TTC6: variants seen among roughly 807,000 people sequenced by gnomAD.
TTC6 encodes the protein tetratricopeptide repeat domain 6.
In TTC6, 172 loss-of-function variants were observed where a neutral mutation model predicts 210.4. The ratio of observed to expected loss-of-function variants is 0.82; its 90% CI spans 0.72 to 0.93. TTC6 has a LOEUF of 0.93. Among genes scored for constraint, TTC6 ranks in the 40% least tolerant of loss-of-function variants. TTC6 has a pLI of 0.00. For synonymous variants in TTC6, 804 were observed against 819.6 expected (o/e 0.98, Z 0.32); for missense variants, 2,414 against 2,318.1 (o/e 1.04, Z -0.85).
intron 29 of TTC6, among the ~76,000 whole-genome samples, chr14:37,834,227 C>T (rs1456179987): frequency 1.3e-5 from 2 of 152,074 alleles, no homozygotes; most frequent in Non-Finnish European, 2.9e-5. Context: ...ATATGTATAT[C>T]TCTTCCAATA....
At chr14:37,622,630 A>G in exon 1 of TTC6, 3 of 1,535,162 alleles carry the variant, frequency 2.0e-6, no homozygotes, top group Non-Finnish European at 2.6e-6. Flanking sequence ...GAACAGAGCC[A>G]GGAGGTAGCT....
At chr14:37,799,832 G>A (rs1005062014) in intron 20 of TTC6, among the ~76,000 whole-genome samples, 5 of 152,132 alleles carry the variant, frequency 3.3e-5, no homozygotes, top group Admixed American at 6.6e-5. Context: ...TTTCAGATGA[G>A]AATGTAGCAC....
intron 6 of TTC6, 85 bp from the exon 9 acceptor site, chr14:37,724,812 TA>T: frequency 2.7e-6 from 2 of 745,196 alleles, no homozygotes; most frequent in Non-Finnish European, 3.9e-6. Flanking sequence ...TCTCAGCAAC[TA>T]AAAATAATTT....
intron 1 of TTC6, among the ~76,000 whole-genome samples, chr14:37,679,921 C>T (rs964909237): frequency 6.6e-6 from 1 of 151,978 alleles, no homozygotes; most frequent in Non-Finnish European, 1.5e-5. Context: ...AATTCTTGAC[C>T]TCAGGTGATC....
chr14:37,678,416 G>T (rs2138529371), intron 1 of TTC6, among the ~76,000 whole-genome samples: 1 of 152,202 alleles, frequency 6.6e-6, no homozygotes, highest in Middle Eastern at 3.4e-3. Context: ...TCTTTGTCTA[G>T]CCTCATGGGT....
At chr14:37,635,981 C>CAAAAAAAAAAAAAAAAAAAGAAAAAAA (rs2095679652) in intron 1 of TTC6, among the ~76,000 whole-genome samples, 1 of 70,356 alleles carries the variant, frequency 1.4e-5, no homozygotes, top group Non-Finnish European at 2.5e-5. Context: ...ATTCCATTTC[C>CAAAAAAAAAAAAAAAAAAAGAAAAAAA]AAAAAAAAAA....
At chr14:37,625,372 A>AC (rs1189751044) in intron 1 of TTC6, among the ~76,000 whole-genome samples, 1 of 151,544 alleles carries the variant, frequency 6.6e-6, no homozygotes, top group Admixed American at 6.6e-5. Context: ...ACATGGTGAA[A>AC]CCCCATCTCT....
intron 19 of TTC6, 71 bp downstream of exon 21, chr14:37,796,441 G>A: frequency 1.5e-6 from 1 of 653,808 alleles, no homozygotes; most frequent in South Asian, 2.3e-5. Flanking sequence ...CAATAGTTAT[G>A]TATAAATAGC....
exon 14 of TTC6, chr14:37,753,181 C>T: frequency 6.5e-7 from 1 of 1,535,096 alleles, no homozygotes; most frequent in Non-Finnish European, 8.7e-7. Flanking sequence ...TGGTTTGCAG[C>T]CATAGAGGAT....
chr14:37,816,052 CAAAAA>C (rs71127247), intron 25 of TTC6, among the ~76,000 whole-genome samples: 1 of 142,164 alleles, frequency 7.0e-6, no homozygotes, highest in Admixed American at 7.0e-5. Context: ...TTAATTTTAG[CAAAAA>C]AAAAAAAAAA....
intron 14 of TTC6, among the ~76,000 whole-genome samples, chr14:37,769,355 T>C (rs555471273): frequency 6.6e-6 from 1 of 151,782 alleles, no homozygotes; most frequent in Non-Finnish European, 1.5e-5. Flanking sequence ...TTCTATTGAT[T>C]GGAATAGTTT....
At chr14:37,698,086 A>G (rs960026949) in intron 4 of TTC6, among the ~76,000 whole-genome samples, 2 of 152,176 alleles carry the variant, frequency 1.3e-5, no homozygotes, top group Non-Finnish European at 2.9e-5. Context: ...AGAAATTTTC[A>G]TTAGTGAGAA....
intron 25 of TTC6, among the ~76,000 whole-genome samples, chr14:37,812,915 T>C (rs1222189064): frequency 6.6e-6 from 1 of 152,148 alleles, no homozygotes; most frequent in Non-Finnish European, 1.5e-5. Flanking sequence ...GAAAAAAGTA[T>C]AGGCAAGGTT....
chr14:37,770,014 G>A (rs531279025), intron 14 of TTC6, among the ~76,000 whole-genome samples: 7 of 152,150 alleles, frequency 4.6e-5, no homozygotes, highest in African/African-American at 7.2e-5. Context: ...CTTTGTTCCC[G>A]TTGGTTTCAA....
chr14:37,807,301 T>C lies in TTC6; in HGVS notation c.4315-19T>C. 1 of 1,480,348 alleles carries C rather than the reference T, an allele frequency of 6.8e-7. No individual in the cohort carries two copies. The highest frequency in any genetic ancestry group is 9.0e-7 in the Non-Finnish European group (1 of 1,107,990). 91.7% of individuals were successfully genotyped at this position (1,480,348 alleles called of 1,614,324 possible). ...TACTAAAGCATCCATTCCTGCTTTC[T>C]CTCTCTCTCTCTGAATAGGCATATT... On this transcript the variant is annotated intron_variant, in intron 22 of 30. Coordinates refer to ENST00000553443, the Ensembl canonical transcript of TTC6.
At chr14:37,768,953 CTTA>C (rs2096008210) in intron 14 of TTC6, among the ~76,000 whole-genome samples, 1 of 151,576 alleles carries the variant, frequency 6.6e-6, no homozygotes, top group African/African-American at 2.4e-5. Context: ...ATAGATAGCT[CTTA>C]TTATTTTGAA....
At chr14:37,673,688 A>G (rs140083565) in intron 1 of TTC6, among the ~76,000 whole-genome samples, 56 of 152,144 alleles carry the variant, frequency 3.7e-4, no homozygotes, top group African/African-American at 1.2e-3. Flanking sequence ...GTTTGTTTTG[A>G]ATACTAAACA....
At chr14:37,812,270 A>G in intron 24 of TTC6, 44 bp from the exon 27 acceptor site, 1 of 1,591,114 alleles carries the variant, frequency 6.3e-7, no homozygotes, top group East Asian at 2.3e-5. Flanking sequence ...CAATGAATTC[A>G]GGCTCTAAAA....
At chr14:37,640,650 C>G (rs1204086693) in intron 1 of TTC6, among the ~76,000 whole-genome samples, 1 of 152,112 alleles carries the variant, frequency 6.6e-6, no homozygotes, top group Non-Finnish European at 1.5e-5. Context: ...TCAAGCAGTT[C>G]TCCTGCCTCA....
Sources: allele counts gnomAD v4.1 joint callset (sites outside exome capture counted in the v4.1 genomes callset), GRCh38; gene constraint gnomAD v4.1.1; transcripts MANE v1.5; gene names NCBI Gene and HGNC (gene_info 2026-07-23, HGNC 2026-07-21).